NOTCH3: variants seen among roughly 807,000 people sequenced by gnomAD.
The protein encoded by NOTCH3 is neurogenic locus notch homolog protein 3.
A neutral mutation model predicts 213.3 loss-of-function variants in NOTCH3; 86 were observed. That is an observed-to-expected ratio of 0.40 (90% CI 0.34 to 0.48). The LOEUF (loss-of-function observed/expected upper bound fraction) is 0.48. NOTCH3 is among the 20% of genes least tolerant of loss of function. The pLI, the probability that NOTCH3 is intolerant of heterozygous loss-of-function variation, is 0.57. For synonymous variants in NOTCH3, 1,354 were observed against 1,355.9 expected (o/e 1.00, Z 0.03); for missense variants, 2,783 against 3,272.6 (o/e 0.85, Z 3.65).
rs769346734 is a variant in NOTCH3 at position 15,165,547 on chromosome 19, T to C, written c.5668-32A>G. On this transcript the variant is annotated intron_variant, in intron 30 of 32. Transcript: ENST00000263388. This position sits in a 1 kb window ranked among gnomAD's most constrained non-coding sequence, Gnocchi z 4.7. ...CAGAGAGTGGATGCAGCAGGAGGGG[T>C]CATGGCAGGAACAGAGGAATCAGGA... The C allele has an allele frequency of 6.2e-7, 1 of 1,606,438 alleles. No homozygotes were observed. The highest frequency in any genetic ancestry group is 1.1e-5 in the South Asian group (1 of 90,910).
At chr19:15,199,074 G>A (rs767281448) in intron 1 of NOTCH3, among the ~76,000 whole-genome samples, 1 of 152,194 alleles carries the variant, frequency 6.6e-6, no homozygotes, top group African/African-American at 2.4e-5. Context: ...GTGGGTGTTC[G>A]TGAACTCACA....
Position 15,165,700 on chromosome 19 carries a change from G to A in NOTCH3, c.5667+87C>T. 20 of 1,487,162 alleles carry A rather than the reference G, an allele frequency of 1.3e-5. 1 individual carries two copies. The highest frequency in any genetic ancestry group is 1.8e-5 in the Non-Finnish European group (20 of 1,089,994). The allele number at this position is 1,487,162 out of a possible 1,614,324, so 92.1% of individuals were successfully genotyped here. ...CCCCATTTTCCAAATGAGAAAAAAT[G>A]AGTCTGAAAGGCAGAACTGGGGCTC... On this transcript the variant is annotated intron_variant, in intron 30 of 32. Transcript: ENST00000263388. The surrounding 1 kb of genome is among the most constrained non-coding windows in gnomAD (Gnocchi z 4.7).
chr19:15,163,012 T>G (rs2046658787), intron 31 of NOTCH3, among the ~76,000 whole-genome samples: 1 of 152,176 alleles, frequency 6.6e-6, no homozygotes, highest in Non-Finnish European at 1.5e-5. Context: ...CAGGCGATTT[T>G]CCTGCCTCAG....
intron 8 of NOTCH3, among the ~76,000 whole-genome samples, 166 bp downstream of exon 8, chr19:15,188,823 A>T (rs1261918830): frequency 6.6e-6 from 1 of 152,040 alleles, no homozygotes; most frequent in African/African-American, 2.4e-5. Flanking sequence ...CCCCAGAATC[A>T]CACAGTATTC....
intron 18 of NOTCH3, 21 bp downstream of exon 18, chr19:15,180,940 G>C (rs2145422503): frequency 3.2e-6 from 5 of 1,585,092 alleles, no homozygotes; most frequent in Non-Finnish European, 4.3e-6. Flanking sequence ...CCTCCCCCAG[G>C]TCCCCAGTAA....
chr19:15,186,853 C>A, intron 12 of NOTCH3, 25 bp downstream of exon 12: 2 of 1,586,462 alleles, frequency 1.3e-6, no homozygotes, highest in Non-Finnish European at 1.7e-6. Flanking sequence ...CTAAGGACCC[C>A]CTCTCATGGC....
At chr19:15,166,193 A>AACG (rs113932026) in intron 29 of NOTCH3, 102 bp from the exon 30 acceptor site, 1 of 1,002,342 alleles carries the variant, frequency 1.0e-6, no homozygotes, top group Non-Finnish European at 1.5e-6. Context: ...CACATGGAAA[A>AACG]ATGACAATTA....
chr19:15,172,120 T>C (rs1355472224), intron 25 of NOTCH3, among the ~76,000 whole-genome samples: 4 of 152,114 alleles, frequency 2.6e-5, no homozygotes, highest in African/African-American at 9.7e-5. Flanking sequence ...GGTCTTGAAC[T>C]CCCGACCTCA....
At position 15,200,942 on chromosome 19, in the gene NOTCH3, C is replaced by T. The variant is rs1399091274; in HGVS notation, c.-37G>A. 1 of 254,128 alleles carries T rather than the reference C, an allele frequency of 3.9e-6. No homozygotes were observed. The highest frequency in any genetic ancestry group is 7.0e-6 in the Non-Finnish European group (1 of 142,342). 15.7% of individuals were successfully genotyped at this position (254,128 alleles called of 1,614,324 possible). ...GCGACCCTCCCCTCCTCCCTCCTTC[C>T]CTGGGCTCCGGGCGCGTCCCGGGCC... On this transcript the variant is annotated 5_prime_UTR_variant, in exon 1 of 33. Transcript: ENST00000263388.
chr19:15,183,829 T>C (rs938703314), intron 16 of NOTCH3, among the ~76,000 whole-genome samples: 1 of 151,932 alleles, frequency 6.6e-6, no homozygotes, highest in South Asian at 2.1e-4. Context: ...GACAGGTAGA[T>C]TGCTTGAGCC....
intron 20 of NOTCH3, chr19:15,179,712 T>C (rs1387984443): frequency 3.3e-6 from 2 of 605,494 alleles, no homozygotes; most frequent in East Asian, 5.7e-5. Flanking sequence ...TGAAACCCTG[T>C]CACTATGAAA....
rs776163983 is a variant in NOTCH3, at chr19:15,170,470, C to T, written c.4975G>A (p.Val1659Ile). 1.2e-6 allele frequency: 2 copies of T among 1,607,928 alleles called. No individual in the cohort carries two copies. Among genetic ancestry groups the T allele is most frequent in the Non-Finnish European group, 1.7e-6 (2 of 1,179,942 alleles). ...AGAVLLLVIL[V>I]LGVMVARRKR... Reference sequence around the variant, plus strand: ...CGCCGGGCCACCATGACACCCAGGACGAGAATGACCAGCAGCAAGACAGCG... The same window carrying T: ...CGCCGGGCCACCATGACACCCAGGATGAGAATGACCAGCAGCAAGACAGCG... The change falls in exon 27 of 33, where the codon GTC becomes ATC. Residue 1659 changes from valine (V) to isoleucine (I), a missense_variant. This residue lies in a region of NOTCH3 where 636 missense variants were observed against 801.8 expected (regional missense o/e 0.79). Transcript: ENST00000263388.
chr19:15,169,212 C>A (rs2046710446), intron 28 of NOTCH3, among the ~76,000 whole-genome samples: 1 of 150,122 alleles, frequency 6.7e-6, no homozygotes, highest in African/African-American at 2.4e-5. Flanking sequence ...CTCTCTCTCT[C>A]TCTCTCTCTC....
chr19:15,188,106 C>A, intron 9 of NOTCH3, 112 bp from the exon 10 acceptor site: 1 of 1,072,776 alleles, frequency 9.3e-7, no homozygotes, highest in Non-Finnish European at 1.4e-6. Flanking sequence ...TTTAAATTAA[C>A]TTCAATGTTT....
At chr19:15,180,020 G>C (rs1434049614) in intron 20 of NOTCH3, 52 bp downstream of exon 20, 17 of 1,269,584 alleles carry the variant, frequency 1.3e-5, no homozygotes, top group Non-Finnish European at 2.0e-5. Flanking sequence ...GTGCCCAGAC[G>C]CACCCAAGCA....
chr19:15,193,675 G>A (rs1460269333), intron 2 of NOTCH3, among the ~76,000 whole-genome samples: 8 of 150,798 alleles, frequency 5.3e-5, no homozygotes, highest in African/African-American at 1.9e-4. Flanking sequence ...GGAGGCTGAG[G>A]CAGGAGAATC....
intron 24 of NOTCH3, among the ~76,000 whole-genome samples, chr19:15,175,588 T>TACACAC (rs149125680): frequency 0.015 from 719 of 47,174 alleles, 8 homozygotes; most frequent in African/African-American, 0.037. Context: ...TATATATGTA[T>TACACAC]ATACACACAC....
chr19:15,177,427 G>A, intron 24 of NOTCH3, 98 bp downstream of exon 24: 1 of 1,100,208 alleles, frequency 9.1e-7, no homozygotes, highest in Non-Finnish European at 1.4e-6. Flanking sequence ...AACAGACGGG[G>A]CAAGTGGATG....
At chr19:15,179,769 C>T (rs1199919616) in intron 20 of NOTCH3, 2 of 587,446 alleles carry the variant, frequency 3.4e-6, no homozygotes, top group Non-Finnish European at 6.1e-6. Context: ...GTACTCCCAG[C>T]TATAATGAGA....
Sources: allele counts gnomAD v4.1 joint callset (sites outside exome capture counted in the v4.1 genomes callset), GRCh38; gene constraint gnomAD v4.1.1; regional missense constraint gnomAD v4.1.1; non-coding constraint Gnocchi (gnomAD v3.1); transcripts MANE v1.5; gene names NCBI Gene and HGNC (gene_info 2026-07-23, HGNC 2026-07-21).